The following ITGBL1 variants were observed in gnomAD, a reference collection of about 807,000 sequenced individuals.
ITGBL1 encodes integrin beta-like protein 1.
In ITGBL1, 51 loss-of-function variants were observed where a neutral mutation model predicts 68.5. That is an observed-to-expected ratio of 0.74 (90% CI 0.59 to 0.94). The LOEUF (loss-of-function observed/expected upper bound fraction) is 0.94, where lower values mean the gene tolerates loss of function less well. Ranked by LOEUF, ITGBL1 falls within the 40% of genes least tolerant of loss-of-function variation. ITGBL1 has a pLI of 0.00. For synonymous variants in ITGBL1, 209 were observed against 227.3 expected (o/e 0.92, Z 0.72); for missense variants, 649 against 647.4 (o/e 1.00, Z -0.03).
intron 7 of ITGBL1, among the ~76,000 whole-genome samples, chr13:101,606,170 ATT>A (rs34097822): frequency 1.7e-5 from 1 of 58,182 alleles, no homozygotes; most frequent in African/African-American, 8.6e-5. Flanking sequence ...TTCTATTAGG[ATT>A]TTTATATATA....
chr13:101,541,514 C>G (rs763704942), intron 2 of ITGBL1, among the ~76,000 whole-genome samples: 3 of 152,110 alleles, frequency 2.0e-5, no homozygotes, highest in Admixed American at 1.3e-4. Context: ...CGAAAATTCT[C>G]TTTTTGTTGT....
chr13:101,710,506 C>CTTTA (rs1465144753), intron 9 of ITGBL1, among the ~76,000 whole-genome samples: 2 of 152,146 alleles, frequency 1.3e-5, no homozygotes, highest in East Asian at 3.8e-4. Flanking sequence ...GACTAAGGGA[C>CTTTA]TTTAACATGG....
chr13:101,579,461 G>A (rs536102895), intron 5 of ITGBL1, 34 bp downstream of exon 5: 2 of 1,601,110 alleles, frequency 1.2e-6, no homozygotes, highest in South Asian at 2.2e-5. Context: ...ACATAATGGG[G>A]AGGCAAACAA....
At chr13:101,645,779 C>T (rs1010019563) in intron 7 of ITGBL1, among the ~76,000 whole-genome samples, 3 of 151,990 alleles carry the variant, frequency 2.0e-5, no homozygotes, top group Non-Finnish European at 2.9e-5. Context: ...AGGAGGGACA[C>T]GTGGGTAAGG....
At chr13:101,475,989 A>C (rs1163657203) in intron 2 of ITGBL1, among the ~76,000 whole-genome samples, 1 of 152,224 alleles carries the variant, frequency 6.6e-6, no homozygotes, top group African/African-American at 2.4e-5. Context: ...TTAACAAGCA[A>C]TAAGAAATTA....
At chr13:101,720,396 C>G (rs1169882649), downstream of ITGBL1, 1 of 152,076 alleles carries the variant, frequency 6.6e-6, no homozygotes, top group African/African-American at 2.4e-5. Context: ...AACAGAGATA[C>G]ACATTTACAT....
intron 2 of ITGBL1, among the ~76,000 whole-genome samples, chr13:101,480,312 A>G (rs1276174308): frequency 2.0e-5 from 3 of 152,050 alleles, no homozygotes; most frequent in Non-Finnish European, 4.4e-5. Flanking sequence ...GATGGTTACT[A>G]GAGGCTGGGA....
At chr13:101,637,856 A>C (rs1220385415) in intron 7 of ITGBL1, among the ~76,000 whole-genome samples, 1 of 152,202 alleles carries the variant, frequency 6.6e-6, no homozygotes, top group Non-Finnish European at 1.5e-5. Flanking sequence ...TTAGCAGCTC[A>C]TGACTGAGTT....
At chr13:101,541,537 A>C (rs1481005838) in intron 2 of ITGBL1, among the ~76,000 whole-genome samples, 2 of 152,170 alleles carry the variant, frequency 1.3e-5, no homozygotes, top group South Asian at 4.1e-4. Flanking sequence ...TGTCTCTGCC[A>C]GGCTTTGGTA....
intron 8 of ITGBL1, among the ~76,000 whole-genome samples, chr13:101,696,305 T>G (rs2034001337): frequency 6.6e-6 from 1 of 152,100 alleles, no homozygotes; most frequent in African/African-American, 2.4e-5. Flanking sequence ...TACAAGCATA[T>G]TTAAGGAAAT....
At chr13:101,665,113 C>T (rs1423267345) in intron 7 of ITGBL1, among the ~76,000 whole-genome samples, 1 of 151,740 alleles carries the variant, frequency 6.6e-6, no homozygotes, top group Admixed American at 6.6e-5. Context: ...TTTTTTTTCT[C>T]AGCAAGGCTT....
rs946321160 is a variant in ITGBL1 at position 101,542,257 on chromosome 13, CTT to C, written c.317-25440_317-25439del. On this transcript the variant is annotated intron_variant, in intron 2 of 10. Transcript: ENST00000376180. ...TCTCAGAGATTCTGGTAAGTTGTGT[CTT>C]TGTTCTCATTGGTTTCAAAGAACAT... Among the ~76,000 whole-genome samples the C allele has an allele frequency of 9.2e-5, 14 of 152,290 alleles. No homozygotes were observed. In the East Asian group the frequency reaches 1.7e-3, roughly 19 times the overall value.
chr13:101,609,403 C>CTT (rs927805423), intron 7 of ITGBL1, among the ~76,000 whole-genome samples: 2 of 151,986 alleles, frequency 1.3e-5, no homozygotes, highest in Non-Finnish European at 1.5e-5. Flanking sequence ...TAGTCATCTA[C>CTT]TTGAAGGTCC....
At chr13:101,510,201 A>G (rs1233244269) in intron 2 of ITGBL1, among the ~76,000 whole-genome samples, 3 of 151,994 alleles carry the variant, frequency 2.0e-5, no homozygotes, top group Non-Finnish European at 1.5e-5. Context: ...TATTGTATCT[A>G]TGTTTATGTT....
chr13:101,663,023 A>G (rs959471458), intron 7 of ITGBL1, among the ~76,000 whole-genome samples: 1 of 152,162 alleles, frequency 6.6e-6, no homozygotes, highest in Non-Finnish European at 1.5e-5. Context: ...AGTGAATGGC[A>G]GAAGGTGTTT....
intron 1 of ITGBL1, among the ~76,000 whole-genome samples, 172 bp downstream of exon 1, chr13:101,453,103 T>C (rs946654651): frequency 2.6e-5 from 4 of 152,364 alleles, no homozygotes; most frequent in African/African-American, 9.6e-5. Context: ...TATTGCCTCA[T>C]GTCTGTCCTT....
At position 101,452,878 on chromosome 13, in the gene ITGBL1, C is replaced by T; in HGVS notation, c.45C>T (p.Ser15=). ...GGAACTTCTTGCTGCTGGCGTCCTC[C>T]CTTCTCTTTGCTGGGTTGTCAGCTG... ...GFRNFLLLAS[S]LLFAGLSAVP... Residue 15 remains serine (S), a synonymous_variant, in exon 1 of 11, where the codon TCC becomes TCT. Transcript: ENST00000376180. 1 of 1,614,210 alleles carries T rather than the reference C, an allele frequency of 6.2e-7. No homozygotes were observed. The highest frequency in any genetic ancestry group is 1.7e-5 in the Admixed American group (1 of 60,030).
intron 2 of ITGBL1, among the ~76,000 whole-genome samples, chr13:101,551,695 T>C (rs901537057): frequency 9.8e-5 from 15 of 152,300 alleles, no homozygotes; most frequent in African/African-American, 3.4e-4. Flanking sequence ...TTCATGCCAT[T>C]TTGCAAGTCA....
At chr13:101,669,706 C>T (rs2033311649) in intron 7 of ITGBL1, among the ~76,000 whole-genome samples, 1 of 152,154 alleles carries the variant, frequency 6.6e-6, no homozygotes, top group Non-Finnish European at 1.5e-5. Flanking sequence ...ATTTTCTGAA[C>T]TGCATCTTTT....
Sources: gnomAD v4.1 joint callset for allele counts (sites outside exome capture counted in the v4.1 genomes callset) on GRCh38, gnomAD v4.1.1 for gene constraint, MANE v1.5 for transcripts, NCBI Gene and HGNC (gene_info 2026-07-23, HGNC 2026-07-21) for gene names.